Variants in PLEKHB2 observed in about 807,000 individuals in gnomAD.
The protein encoded by PLEKHB2 is pleckstrin homology domain-containing family B member 2.
PLEKHB2 carries 31 observed loss-of-function variants against 36.5 expected under a neutral mutation model. The observed-to-expected ratio is 0.85, with a 90% CI of 0.64 to 1.15. The LOEUF is 1.15. Among genes scored for constraint, PLEKHB2 ranks in the 50% most tolerant of loss-of-function variants. PLEKHB2 has a pLI of 0.00. For missense variants in PLEKHB2, 262 were observed against 295.3 expected (o/e 0.89, Z 0.83); for synonymous variants, 119 against 112.0 (o/e 1.06, Z -0.39).
intron 5 of PLEKHB2, among the ~76,000 whole-genome samples, chr2:131,131,166 A>G (rs1697638598): frequency 6.6e-6 from 1 of 152,216 alleles, no homozygotes; most frequent in South Asian, 2.1e-4. Flanking sequence ...CTGGCCACGA[A>G]TGGGCAGGTA....
In PLEKHB2 at chr2:131,146,839, C is replaced by T. The variant is rs1018909259; in HGVS notation, c.*66C>T. On this transcript the variant is annotated 3_prime_UTR_variant, in exon 8 of 8. Coordinates refer to ENST00000693505, the MANE Select transcript of PLEKHB2 (RefSeq NM_001100623.2). ...GTGTGCAATAATATGATTTGCAGGG[C>T]ATTTCTGTTTGTGACAAAAGTTTTT... The T allele has an allele frequency of 8.6e-5, 118 of 1,371,042 alleles. 1 individual carries two copies. In the East Asian group the frequency reaches 2.7e-3, roughly 32 times the overall value. The allele number at this position is 1,371,042 out of a possible 1,614,324, so 84.9% of individuals were successfully genotyped here. A position where few individuals can be genotyped will look rare whatever the true frequency, so the allele number is the denominator to read the frequency against.
chr2:131,118,639 G>T (rs1696122434), intron 1 of PLEKHB2, among the ~76,000 whole-genome samples: 1 of 151,770 alleles, frequency 6.6e-6, no homozygotes, highest in Admixed American at 6.6e-5. Flanking sequence ...ACCGAGGTGG[G>T]CATATCACGA....
rs374524883 is a variant in PLEKHB2 at position 131,133,016 on chromosome 2, G to C, written c.423+25G>C. The C allele has an allele frequency of 8.8e-5, 138 of 1,564,720 alleles. No homozygotes were observed. Among genetic ancestry groups the C allele is most frequent in the Middle Eastern group, 3.3e-4 (2 of 5,988 alleles). On this transcript the variant is annotated intron_variant, in intron 6 of 7. Coordinates refer to ENST00000693505, the MANE Select transcript of PLEKHB2 (RefSeq NM_001100623.2). ...GGTAGGGAGAACCCTGAGCCTCCAG[G>C]TGAGGGAAGTTTGGGGTCTCTGCTG...
intron 1 of PLEKHB2, among the ~76,000 whole-genome samples, chr2:131,108,487 G>C (rs1031084235): frequency 6.6e-6 from 1 of 152,194 alleles, no homozygotes; most frequent in Non-Finnish European, 1.5e-5. Context: ...TCAAACAGAA[G>C]TCTTCTGAGC....
intron 7 of PLEKHB2, among the ~76,000 whole-genome samples, chr2:131,142,986 A>G (rs1698946746): frequency 6.6e-6 from 1 of 152,198 alleles, no homozygotes; most frequent in South Asian, 2.1e-4. Context: ...TACATTTAGT[A>G]GAAACCGTAC....
intron 6 of PLEKHB2, among the ~76,000 whole-genome samples, chr2:131,133,400 T>C (rs974685884): frequency 3.9e-5 from 6 of 152,252 alleles, no homozygotes; most frequent in Non-Finnish European, 8.8e-5. Context: ...GGGTGCTGAC[T>C]GAGCTAGTGG....
rs142067829 is a variant in PLEKHB2 at position 131,119,490 on chromosome 2, G to A, written c.-8-1444G>A. 4.9e-4 allele frequency among the ~76,000 whole-genome samples: 74 copies of A among 152,300 alleles called. 1 individual carries two copies. Among genetic ancestry groups the A allele is most frequent in the African/African-American group, 1.8e-3 (74 of 41,578 alleles). ...GGAGGTACCCGCTCAGCAGTCCTCC[G>A]TCGTGGGGCATGTTGGCGCGCTTCT... is the stretch of plus-strand genomic sequence containing the variant. On this transcript the variant is annotated intron_variant, in intron 1 of 7. Coordinates refer to ENST00000693505, the MANE Select transcript of PLEKHB2 (RefSeq NM_001100623.2).
intron 1 of PLEKHB2, chr2:131,107,343 G>A (rs1022860446): frequency 6.6e-6 from 1 of 152,184 alleles, no homozygotes; most frequent in African/African-American, 2.4e-5. Context: ...CCCTTTGATG[G>A]TGCTTGTATT....
chr2:131,108,004 C>G (rs1477679064), intron 1 of PLEKHB2: 13 of 152,228 alleles, frequency 8.5e-5, no homozygotes, highest in Admixed American at 7.9e-4. Flanking sequence ...GCTGTTTGGA[C>G]ATACCTCCTT....
Position 131,133,851 on chromosome 2 carries a change from G to C in PLEKHB2, c.423+860G>C, listed in dbSNP as rs187010934. Among the ~76,000 whole-genome samples, 215 of 151,376 alleles carry C rather than the reference G, an allele frequency of 1.4e-3. 1 individual carries two copies. Among genetic ancestry groups the C allele is most frequent in the Non-Finnish European group, 2.5e-3 (167 of 67,916 alleles). ...CGTTTTTCACTCAGTATTTGCCCTT[G>C]AGATCTGTCCAAGTTGCTCTTTGTC... On this transcript the variant is annotated intron_variant, in intron 6 of 7. Coordinates refer to ENST00000693505, the MANE Select transcript of PLEKHB2 (RefSeq NM_001100623.2).
chr2:131,135,580 G>A (rs1311814958), intron 6 of PLEKHB2, among the ~76,000 whole-genome samples: 1 of 151,980 alleles, frequency 6.6e-6, no homozygotes, highest in Non-Finnish European at 1.5e-5. Context: ...TCCTTGCCTT[G>A]TTCCTGATTT....
intron 6 of PLEKHB2, among the ~76,000 whole-genome samples, chr2:131,139,395 A>T (rs1334474632): frequency 6.6e-6 from 1 of 152,080 alleles, no homozygotes; most frequent in Non-Finnish European, 1.5e-5. Context: ...TAGAAGTGGG[A>T]GTCTTGTCTC....
chr2:131,142,902 A>C (rs552467865), intron 7 of PLEKHB2, among the ~76,000 whole-genome samples: 60 of 152,168 alleles, frequency 3.9e-4, no homozygotes, highest in Non-Finnish European at 6.9e-4. Context: ...CTCTATCTCT[A>C]TATGCAGGCA....
At chr2:131,121,947 T>A (rs1283944461) in intron 2 of PLEKHB2, among the ~76,000 whole-genome samples, 2 of 152,068 alleles carry the variant, frequency 1.3e-5, no homozygotes, top group Admixed American at 6.6e-5. Flanking sequence ...AATTTTGCTC[T>A]TGTTGCCCAG....
In PLEKHB2 at chr2:131,149,451, A is replaced by T. The variant is rs1189139046; in HGVS notation, c.*2678A>T. The T allele has an allele frequency of 6.6e-6, 1 of 152,186 alleles. No homozygotes were observed. Among genetic ancestry groups the T allele is most frequent in the Non-Finnish European group, 1.5e-5 (1 of 68,036 alleles). The allele number at this position is 152,186 out of a possible 1,614,324, so 9.4% of individuals were successfully genotyped here. A position where few individuals can be genotyped will look rare whatever the true frequency, so the allele number is the denominator to read the frequency against. On this transcript the variant is annotated 3_prime_UTR_variant, in exon 8 of 8. Coordinates refer to ENST00000693505, the MANE Select transcript of PLEKHB2 (RefSeq NM_001100623.2). ...ATTGTTCTTTTCATTCCTTGAGTCA[A>T]CTTCAGGGTCTTGGATACTAAAGAG...
At chr2:131,133,396 T>C (rs1351065626) in intron 6 of PLEKHB2, among the ~76,000 whole-genome samples, 1 of 152,260 alleles carries the variant, frequency 6.6e-6, no homozygotes, top group Admixed American at 6.5e-5. Flanking sequence ...GTTGGGGTGC[T>C]GACTGAGCTA....
chr2:131,135,625 G>A (rs1698159636), intron 6 of PLEKHB2, among the ~76,000 whole-genome samples: 1 of 151,322 alleles, frequency 6.6e-6, no homozygotes, highest in African/African-American at 2.4e-5. Flanking sequence ...TTTTTGAGAT[G>A]GAGTCTCGCT....
At position 131,107,567 on chromosome 2, in the gene PLEKHB2, G is replaced by A. The variant is rs543651923; in HGVS notation, c.-9+2169G>A. On this transcript the variant is annotated intron_variant, in intron 1 of 7. Coordinates refer to ENST00000693505, the MANE Select transcript of PLEKHB2 (RefSeq NM_001100623.2). Reference sequence around the variant, plus strand: ...GCCACTTTTATAGCGAAAGAGAGCTGGAGAACTGGGATATCATGAGGAGTT... The same window carrying A: ...GCCACTTTTATAGCGAAAGAGAGCTAGAGAACTGGGATATCATGAGGAGTT... The A allele has an allele frequency of 3.3e-5, 5 of 152,352 alleles. No individual in the cohort carries two copies. In the South Asian group the frequency reaches 1.0e-3, roughly 32 times the overall value. The allele number at this position is 152,352 out of a possible 1,614,324, so 9.4% of individuals were successfully genotyped here.
At chr2:131,125,360 A>G (rs1023185631) in intron 2 of PLEKHB2, among the ~76,000 whole-genome samples, 2 of 152,238 alleles carry the variant, frequency 1.3e-5, no homozygotes, top group Admixed American at 1.3e-4. Context: ...TGTGTGCTGC[A>G]TGCAGCCTGT....
Sources: allele counts gnomAD v4.1 joint callset (sites outside exome capture counted in the v4.1 genomes callset), GRCh38; gene constraint gnomAD v4.1.1; transcripts MANE v1.5; gene names NCBI Gene and HGNC (gene_info 2026-07-23, HGNC 2026-07-21).